CHST9: variants seen among roughly 807,000 people sequenced by gnomAD.
CHST9 encodes GalNAc-4-sulfotransferase 2.
A neutral mutation model predicts 44.4 loss-of-function variants in CHST9; 41 were observed. The observed-to-expected ratio is 0.92, with a 90% CI of 0.72 to 1.20. The LOEUF is 1.20. CHST9 is among the 50% of genes most tolerant of loss of function. The pLI, the probability that CHST9 is intolerant of heterozygous loss-of-function variation, is 0.00. For missense variants in CHST9, 504 were observed against 516.5 expected (o/e 0.98, Z 0.23); for synonymous variants, 171 against 178.4 (o/e 0.96, Z 0.33).
chr18:27,109,452 T>C (rs2058250864), intron 2 of CHST9, among the ~76,000 whole-genome samples: 1 of 152,220 alleles, frequency 6.6e-6, no homozygotes, highest in African/African-American at 2.4e-5. Context: ...TGCGGCAAAA[T>C]ACTAAGTGAT....
At chr18:27,070,641 C>G (rs942024689) in intron 2 of CHST9, among the ~76,000 whole-genome samples, 1 of 151,962 alleles carries the variant, frequency 6.6e-6, no homozygotes, top group African/African-American at 2.4e-5. Flanking sequence ...TACTCTAGGT[C>G]CCCCACTAAG....
chr18:27,035,217 T>C (rs1399427687), intron 3 of CHST9, among the ~76,000 whole-genome samples: 1 of 152,228 alleles, frequency 6.6e-6, no homozygotes, highest in Non-Finnish European at 1.5e-5. Context: ...TGAGCTAATA[T>C]GTCATTGTGG....
At chr18:27,184,683 A>G in intron 1 of CHST9, among the ~76,000 whole-genome samples, 1 of 151,938 alleles carries the variant, frequency 6.6e-6, no homozygotes. Context: ...TCTGCCACAC[A>G]CCCTGGAGGA....
intron 2 of CHST9, among the ~76,000 whole-genome samples, chr18:27,132,069 G>A (rs2058476548): frequency 6.6e-6 from 1 of 152,092 alleles, no homozygotes. Flanking sequence ...ACTTACTAAA[G>A]GCATCTTGGG....
At chr18:27,161,707 G>T (rs1031378107) in intron 1 of CHST9, among the ~76,000 whole-genome samples, 2 of 152,032 alleles carry the variant, frequency 1.3e-5, no homozygotes. Flanking sequence ...TGACAGTGGG[G>T]TGTTAAAATC....
At chr18:27,048,632 G>C in intron 2 of CHST9, 129 bp from the exon 3 acceptor site, 1 of 645,070 alleles carries the variant, frequency 1.6e-6, no homozygotes, top group South Asian at 2.4e-5. Context: ...TGTGCTCCTA[G>C]AGATGACTGG....
intron 3 of CHST9, among the ~76,000 whole-genome samples, chr18:27,024,626 GC>G (rs1414783885): frequency 6.6e-6 from 1 of 152,218 alleles, no homozygotes; most frequent in Admixed American, 6.5e-5. Flanking sequence ...AGATAGAGAT[GC>G]CATGTACAGC....
At chr18:27,112,578 CGTGTGTGTGTGT>C (rs35249332) in intron 2 of CHST9, among the ~76,000 whole-genome samples, 29 of 140,532 alleles carry the variant, frequency 2.1e-4, no homozygotes, top group South Asian at 9.3e-4. Flanking sequence ...GGATATTCAA[CGTGTGTGTGTGT>C]GTGTGTGTGT....
chr18:27,129,340 T>C (rs1222226619), intron 2 of CHST9, among the ~76,000 whole-genome samples: 1 of 152,098 alleles, frequency 6.6e-6, no homozygotes, highest in Non-Finnish European at 1.5e-5. Context: ...ACCTCTTAAT[T>C]GCCTTAATTG....
chr18:26,955,475 G>A (rs1442804145), intron 4 of CHST9, among the ~76,000 whole-genome samples: 1 of 152,070 alleles, frequency 6.6e-6, no homozygotes, highest in East Asian at 1.9e-4. Context: ...GCACAGCTGT[G>A]GTAAATATAT....
intron 4 of CHST9, among the ~76,000 whole-genome samples, chr18:27,009,127 A>G (rs572038211): frequency 6.6e-6 from 1 of 152,128 alleles, no homozygotes; most frequent in Non-Finnish European, 1.5e-5. Context: ...TTTTGTTGCA[A>G]TTTGTAACAA....
At position 26,975,071 on chromosome 18, in the gene CHST9, C is replaced by A. The variant is rs118059822; in HGVS notation, c.203-30705G>T. Among the ~76,000 whole-genome samples, 65 of 152,320 alleles carry A rather than the reference C, an allele frequency of 4.3e-4. No homozygotes were observed. In the East Asian group the frequency reaches 0.012, roughly 29 times the overall value. ...AGAGAGCTGTTACGCGGCAGAGCTG[C>A]AAGCATGGGTCTTTTGATAACACAC... On this transcript the variant is annotated intron_variant, in intron 4 of 5. Transcript: ENST00000618847.
intron 1 of CHST9, among the ~76,000 whole-genome samples, chr18:27,182,700 T>A (rs1191572305): frequency 6.6e-6 from 1 of 152,228 alleles, no homozygotes; most frequent in Admixed American, 6.5e-5. Flanking sequence ...TCTTGCTTTA[T>A]TGATGACATC....
intron 2 of CHST9, among the ~76,000 whole-genome samples, chr18:27,089,415 T>C (rs933650550): frequency 1.3e-5 from 2 of 152,000 alleles, no homozygotes; most frequent in Non-Finnish European, 2.9e-5. Context: ...TGATAGTTTG[T>C]GGAGAATGAT....
In CHST9 at chr18:26,916,785, C is replaced by A. The variant is rs779405504; in HGVS notation, c.806G>T (p.Arg269Leu). 9 of 1,613,668 alleles carry A rather than the reference C, an allele frequency of 5.6e-6. No individual in the cohort carries two copies. In the African/African-American group the frequency reaches 1.1e-4, roughly 19 times the overall value. ...CACAGCTTTGGTGTAAGTATTTAAGCGGGTATATATCCCTTTTAGGTCAAA... is the reference window on the plus strand; with the variant it reads ...CACAGCTTTGGTGTAAGTATTTAAGAGGGTATATATCCCTTTTAGGTCAAA... The part of the protein sequence containing the change: ...DSFDLKGIYT[R>L]LNTYTKAVFV... The change falls in exon 6 of 6, where the codon CGC becomes CTC. Residue 269 changes from arginine to leucine, a missense_variant. Physicochemically the swap from Arg to Leu is moderately radical, Grantham distance 102. Coordinates refer to ENST00000618847, the MANE Select transcript of CHST9 (RefSeq NM_031422.6).
chr18:27,077,734 A>T (rs1012419559), intron 2 of CHST9, among the ~76,000 whole-genome samples: 3 of 152,356 alleles, frequency 2.0e-5, no homozygotes, highest in East Asian at 3.9e-4. Flanking sequence ...ATTAGTAGGT[A>T]AATAATGTAT....
chr18:26,950,642 G>A (rs934655897), intron 4 of CHST9, among the ~76,000 whole-genome samples: 8 of 152,198 alleles, frequency 5.3e-5, no homozygotes. Context: ...AATATCACAT[G>A]TTCTCATTTA....
At chr18:27,092,086 G>T (rs538951695) in intron 2 of CHST9, among the ~76,000 whole-genome samples, 33 of 152,214 alleles carry the variant, frequency 2.2e-4, no homozygotes, top group African/African-American at 7.7e-4. Flanking sequence ...ACTTTTTTTG[G>T]TTGGTAGGCT....
chr18:27,061,635 T>C (rs141859435), intron 2 of CHST9, among the ~76,000 whole-genome samples: 1 of 152,236 alleles, frequency 6.6e-6, no homozygotes, highest in Non-Finnish European at 1.5e-5. Flanking sequence ...GCATCATTGG[T>C]GTGTAGGCTC....
Sources: gnomAD v4.1 joint callset for allele counts (sites outside exome capture counted in the v4.1 genomes callset) on GRCh38, gnomAD v4.1.1 for gene constraint, MANE v1.5 for transcripts, NCBI Gene and HGNC (gene_info 2026-07-23, HGNC 2026-07-21) for gene names.